Variants in ROBO1 observed in about 807,000 individuals in gnomAD.
ROBO1 encodes the protein roundabout guidance receptor 1, also known as roundabout homolog 1.
A neutral mutation model predicts 195.9 loss-of-function variants in ROBO1; 149 were observed. The ratio of observed to expected loss-of-function variants is 0.76; its 90% CI spans 0.67 to 0.87. The LOEUF is 0.87. Among genes scored for constraint, ROBO1 ranks in the 40% least tolerant of loss-of-function variants. ROBO1 has a pLI of 0.00. For missense variants in ROBO1, 1,933 were observed against 2,068.3 expected, an observed-to-expected ratio of 0.93 and a Z score of 1.27; for synonymous variants, 816 against 733.2, an observed-to-expected ratio of 1.11 and a Z score of -1.82.
At chr3:79,340,931 G>T (rs1439733626) in intron 2 of ROBO1, among the ~76,000 whole-genome samples, 7 of 152,188 alleles carry the variant, frequency 4.6e-5, no homozygotes, top group African/African-American at 1.7e-4. Context: ...GAGTTAAGCA[G>T]ATGTGATTAG....
chr3:79,674,555 C>T (rs1318117448), intron 1 of ROBO1, among the ~76,000 whole-genome samples: 1 of 151,886 alleles, frequency 6.6e-6, no homozygotes, highest in Non-Finnish European at 1.5e-5. Flanking sequence ...TTACAATGTT[C>T]ATATCCTTCC....
Position 78,688,813 on chromosome 3 carries a change from T to C in ROBO1, c.1046-41A>G, listed in dbSNP as rs1030628695. ...CAAATTACACCGAATTAAAAGCACGTTGTTATTGTCCTAATTGAGACAATC... is the reference window on the plus strand; with the variant it reads ...CAAATTACACCGAATTAAAAGCACGCTGTTATTGTCCTAATTGAGACAATC... On this transcript the variant is annotated intron_variant, in intron 8 of 30. Coordinates refer to ENST00000464233, the MANE Select transcript of ROBO1 (RefSeq NM_002941.4). The C allele has an allele frequency of 3.8e-6, 6 of 1,573,590 alleles. No homozygotes were observed. In the East Asian group the frequency reaches 6.9e-5, roughly 18 times the overall value.
intron 1 of ROBO1, among the ~76,000 whole-genome samples, chr3:79,621,432 C>A (rs976153898): frequency 6.6e-6 from 1 of 152,096 alleles, no homozygotes. Context: ...TTCACATGGA[C>A]GTGCATGACA....
At chr3:79,724,388 G>A (rs1316969056) in intron 1 of ROBO1, among the ~76,000 whole-genome samples, 1 of 152,164 alleles carries the variant, frequency 6.6e-6, no homozygotes, top group Non-Finnish European at 1.5e-5. Context: ...GCCCCCTGGT[G>A]TTCCCAGCCT....
intron 2 of ROBO1, among the ~76,000 whole-genome samples, chr3:79,504,117 T>A (rs999002651): frequency 4.6e-5 from 7 of 152,182 alleles, no homozygotes; most frequent in African/African-American, 1.7e-4. Flanking sequence ...AATAACATTT[T>A]AAAATCTAAG....
At chr3:79,065,944 A>T (rs560439671) in intron 3 of ROBO1, among the ~76,000 whole-genome samples, 19 of 151,908 alleles carry the variant, frequency 1.3e-4, no homozygotes, top group Non-Finnish European at 2.4e-4. Context: ...CCCCCTAAGG[A>T]ATTGATGAAT....
intron 4 of ROBO1, among the ~76,000 whole-genome samples, chr3:78,920,624 GTT>G (rs34364869): frequency 9.8e-5 from 6 of 60,948 alleles, no homozygotes; most frequent in African/African-American, 4.5e-4. Context: ...CTTTCTTTCA[GTT>G]TTTTTTTTTT....
intron 4 of ROBO1, among the ~76,000 whole-genome samples, chr3:78,869,391 G>C (rs925786984): frequency 1.3e-5 from 2 of 152,128 alleles, no homozygotes; most frequent in Non-Finnish European, 2.9e-5. Flanking sequence ...CTTTATGTAT[G>C]CTACAGTGAA....
At chr3:78,918,648 A>T (rs753876146) in intron 4 of ROBO1, among the ~76,000 whole-genome samples, 2 of 152,176 alleles carry the variant, frequency 1.3e-5, no homozygotes, top group Non-Finnish European at 2.9e-5. Flanking sequence ...AGACTGGCTC[A>T]ATTAGATTCT....
At position 79,429,094 on chromosome 3, in the gene ROBO1, C is replaced by A. The variant is rs370904604; in HGVS notation, c.88+160730G>T. Among the ~76,000 whole-genome samples, 29 of 152,202 alleles carry A rather than the reference C, an allele frequency of 1.9e-4. No homozygotes were observed. The South Asian group carries it at 5.8e-3, about 30-fold the overall frequency. On this transcript the variant is annotated intron_variant, in intron 2 of 30. Transcript: ENST00000464233. Reference sequence around the variant, plus strand: ...AGAAATGTACAGCTATAAAGAGTAACTTTTACTGTATGTAAATTGTATCTA... The same window carrying A: ...AGAAATGTACAGCTATAAAGAGTAAATTTTACTGTATGTAAATTGTATCTA...
Position 78,636,025 on chromosome 3 carries a change from C to T in ROBO1, c.3121G>A (p.Val1041Met), listed in dbSNP as rs1296629333. 1.2e-5 allele frequency: 20 copies of T among 1,613,706 alleles called. No individual in the cohort carries two copies. Among genetic ancestry groups the T allele is most frequent in the Non-Finnish European group, 1.7e-5 (20 of 1,179,832 alleles). ...MLPESTVYGD[V>M]DLSNKINEMK... ...TCATTGATTTTGTTACTAAGGTCCA[C>T]ATCACCATAAACAGTTGACTCAGGG... The change falls in exon 23 of 31, where the codon GTG (valine) becomes ATG (methionine). Residue 1041 changes from valine (V) to methionine (M), a missense_variant. Physicochemically the swap from Val to Met is conservative, Grantham distance 21 (BLOSUM62 1). Around this residue, in one of 3 missense-constraint regions of ROBO1, gnomAD observed 1,737 missense variants for 1,882.5 expected, o/e 0.92. Transcript: ENST00000464233.
intron 2 of ROBO1, among the ~76,000 whole-genome samples, chr3:79,211,396 T>C (rs767387804): frequency 1.2e-4 from 18 of 152,172 alleles, no homozygotes; most frequent in Non-Finnish European, 2.4e-4. Context: ...ATTTAAAAAC[T>C]CATGTTCTCC....
At chr3:79,340,031 G>T (rs2034842012) in intron 2 of ROBO1, among the ~76,000 whole-genome samples, 1 of 152,032 alleles carries the variant, frequency 6.6e-6, no homozygotes, top group African/African-American at 2.4e-5. Context: ...CCTGTATGTT[G>T]GCCCCACCCA....
intron 4 of ROBO1, among the ~76,000 whole-genome samples, chr3:78,893,580 T>G (rs527972098): frequency 6.6e-6 from 1 of 152,290 alleles, no homozygotes; most frequent in African/African-American, 2.4e-5. Context: ...ATTCCATATC[T>G]TATGTATAAA....
intron 4 of ROBO1, among the ~76,000 whole-genome samples, chr3:78,889,318 C>A (rs1389904451): frequency 1.3e-5 from 2 of 152,128 alleles, no homozygotes; most frequent in Non-Finnish European, 2.9e-5. Flanking sequence ...GTCAGGGGAA[C>A]CCTAGAGGCT....
rs553395608 is a variant in ROBO1, at chr3:79,380,603, G to T, written c.88+209221C>A. Reference sequence around the variant, plus strand: ...AGCAAAATTTTATTTTAATATGGTAGATTAATGTCATAATCTACCATATTA... The same window carrying T: ...AGCAAAATTTTATTTTAATATGGTATATTAATGTCATAATCTACCATATTA... On this transcript the variant is annotated intron_variant, in intron 2 of 30. Transcript: ENST00000464233. Among the ~76,000 whole-genome samples the T allele has an allele frequency of 5.9e-5, 9 of 152,050 alleles. No individual in the cohort carries two copies. In the South Asian group the frequency reaches 1.7e-3, roughly 28 times the overall value.
intron 3 of ROBO1, among the ~76,000 whole-genome samples, chr3:79,006,645 T>C (rs2077627879): frequency 6.7e-6 from 1 of 148,738 alleles, no homozygotes. Context: ...ATTGAGGCTG[T>C]ATTTCCCTGG....
intron 3 of ROBO1, among the ~76,000 whole-genome samples, chr3:79,067,007 G>T (rs767459876): frequency 2.0e-5 from 3 of 151,808 alleles, no homozygotes; most frequent in African/African-American, 4.8e-5. Flanking sequence ...TGCATAAAAG[G>T]CTTCTAGAGC....
intron 2 of ROBO1, among the ~76,000 whole-genome samples, chr3:79,482,691 A>C (rs1938926500): frequency 6.6e-6 from 1 of 152,210 alleles, no homozygotes; most frequent in Admixed American, 6.5e-5. Flanking sequence ...GCTGCTAAGT[A>C]AGACAGTATA....
Sources: allele counts gnomAD v4.1 joint callset (sites outside exome capture counted in the v4.1 genomes callset), GRCh38; gene constraint gnomAD v4.1.1; regional missense constraint gnomAD v4.1.1; transcripts MANE v1.5; gene names NCBI Gene and HGNC (gene_info 2026-07-23, HGNC 2026-07-21).